Variants in REDIC1 observed in about 807,000 individuals in gnomAD.
REDIC1 encodes HEI10 Interacting Protein 1.
At chr12:39,686,757 CTT>C in the REDIC1 span, among the ~76,000 whole-genome samples, 1 of 152,208 alleles carries the variant, frequency 6.6e-6, no homozygotes, top group African/African-American at 2.4e-5. Flanking sequence ...ATTTTCCAAA[CTT>C]TTATGCTCTG....
the REDIC1 span, among the ~76,000 whole-genome samples, chr12:39,804,407 A>G: frequency 1.3e-5 from 2 of 152,206 alleles, no homozygotes; most frequent in Non-Finnish European, 2.9e-5. Flanking sequence ...GAAACTGACA[A>G]CTTCACAATC....
chr12:39,837,748 C>G, the REDIC1 span, among the ~76,000 whole-genome samples: 1 of 152,168 alleles, frequency 6.6e-6, no homozygotes, highest in African/African-American at 2.4e-5. Flanking sequence ...AAATGCTCAT[C>G]ATCACTGGCC....
At chr12:39,835,194 C>T in the REDIC1 span, among the ~76,000 whole-genome samples, 1 of 152,032 alleles carries the variant, frequency 6.6e-6, no homozygotes, top group Non-Finnish European at 1.5e-5. Flanking sequence ...CACAGTGTGA[C>T]CTGGACTAAG....
chr12:39,815,264 A>G, the REDIC1 span, among the ~76,000 whole-genome samples: 1 of 152,198 alleles, frequency 6.6e-6, no homozygotes, highest in Non-Finnish European at 1.5e-5. Context: ...AAATAGAAAA[A>G]GAGAAAACAG....
chr12:39,698,213 TAA>T, the REDIC1 span, among the ~76,000 whole-genome samples: 2 of 152,126 alleles, frequency 1.3e-5, no homozygotes, highest in Admixed American at 6.5e-5. Context: ...GCAACAATGT[TAA>T]GAGATGAGAC....
the REDIC1 span, among the ~76,000 whole-genome samples, chr12:39,752,647 G>C: frequency 1.3e-5 from 2 of 152,154 alleles, no homozygotes; most frequent in East Asian, 3.9e-4. Context: ...TGAGAAGACA[G>C]GATTTTGAGC....
At chr12:39,704,168 T>C in the REDIC1 span, among the ~76,000 whole-genome samples, 15 of 151,490 alleles carry the variant, frequency 9.9e-5, no homozygotes, top group Admixed American at 7.9e-4. Flanking sequence ...TTTCGCATCC[T>C]ACTCATCTGA....
At chr12:39,817,605 T>C in the REDIC1 span, among the ~76,000 whole-genome samples, 1 of 152,194 alleles carries the variant, frequency 6.6e-6, no homozygotes, top group African/African-American at 2.4e-5. Context: ...ACAGAATGCT[T>C]CATCTATATT....
the REDIC1 span, among the ~76,000 whole-genome samples, chr12:39,772,721 T>C: frequency 6.6e-6 from 1 of 152,204 alleles, no homozygotes; most frequent in Non-Finnish European, 1.5e-5. Context: ...TTCTATTTAC[T>C]CTTTTCGTTA....
At chr12:39,730,640 G>T in the REDIC1 span, among the ~76,000 whole-genome samples, 1 of 152,002 alleles carries the variant, frequency 6.6e-6, no homozygotes, top group African/African-American at 2.4e-5. Flanking sequence ...CGTGTCTTGG[G>T]GTTGCTCTTC....
At chr12:39,855,442 T>TCA in the REDIC1 span, among the ~76,000 whole-genome samples, 2 of 152,210 alleles carry the variant, frequency 1.3e-5, no homozygotes, top group Non-Finnish European at 2.9e-5. Context: ...AAGCCTTCTG[T>TCA]CATGGCCCTG....
chr12:39,774,130 A>G, the REDIC1 span, among the ~76,000 whole-genome samples: 3 of 152,228 alleles, frequency 2.0e-5, no homozygotes, highest in Admixed American at 6.5e-5. Context: ...TGATATAATT[A>G]CACCATTACA....
the REDIC1 span, among the ~76,000 whole-genome samples, chr12:39,904,578 C>T: frequency 6.6e-6 from 1 of 152,022 alleles, no homozygotes. Context: ...ATGGAGAAAG[C>T]TCTTGTTTAC....
chr12:39,711,928 T>C, the REDIC1 span, among the ~76,000 whole-genome samples: 1 of 140,630 alleles, frequency 7.1e-6, no homozygotes, highest in Non-Finnish European at 1.6e-5. Context: ...CATACATGTC[T>C]ATATGTATAT....
the REDIC1 span, among the ~76,000 whole-genome samples, chr12:39,671,522 C>A: frequency 6.6e-6 from 1 of 152,134 alleles, no homozygotes; most frequent in African/African-American, 2.4e-5. Context: ...GCAGCTTGCT[C>A]AGGTTCTGGT....
chr12:39,713,937 A>G, the REDIC1 span, among the ~76,000 whole-genome samples: 5,043 of 148,386 alleles, frequency 0.034, 304 homozygotes, highest in African/African-American at 0.12. Flanking sequence ...AATTATGTGC[A>G]TATACCTATA....
the REDIC1 span, among the ~76,000 whole-genome samples, chr12:39,889,697 T>C: frequency 1.3e-5 from 2 of 151,962 alleles, no homozygotes; most frequent in African/African-American, 4.8e-5. Context: ...CACGCCCGGC[T>C]AATTTTTGTA....
At chr12:39,792,613 G>GT in the REDIC1 span, among the ~76,000 whole-genome samples, 3 of 152,150 alleles carry the variant, frequency 2.0e-5, no homozygotes, top group Non-Finnish European at 4.4e-5. Flanking sequence ...CAGGGAACTA[G>GT]TTCCAGGATC....
the REDIC1 span, among the ~76,000 whole-genome samples, chr12:39,865,765 C>G: frequency 1.3e-5 from 2 of 152,280 alleles, no homozygotes; most frequent in African/African-American, 4.8e-5. Flanking sequence ...CTTTAGCAAA[C>G]TAACACAGAA....
Sources: allele counts gnomAD v4.1 joint callset (sites outside exome capture counted in the v4.1 genomes callset), GRCh38; gene constraint gnomAD v4.1.1; transcripts MANE v1.5; gene names NCBI Gene and HGNC (gene_info 2026-07-23, HGNC 2026-07-21).